C16orf96: variants seen among roughly 807,000 people sequenced by gnomAD.
C16orf96 encodes uncharacterized protein C16orf96.
In C16orf96, 108 loss-of-function variants were observed where a neutral mutation model predicts 103.6. The ratio of observed to expected loss-of-function variants is 1.04; its 90% confidence interval spans 0.89 to 1.22. The LOEUF is 1.22. Ranked by LOEUF, C16orf96 falls within the 50% of genes most tolerant of loss-of-function variation. The pLI is 0.00. For missense variants in C16orf96, 1,586 were observed against 1,464.2 expected (o/e 1.08, Z -1.36); for synonymous variants, 566 against 593.5 (o/e 0.95, Z 0.67).
At chr16:4,545,162 C>A in the C16orf96 span, among the ~76,000 whole-genome samples, 1 of 152,160 alleles carries the variant, frequency 6.6e-6, no homozygotes, top group African/African-American at 2.4e-5. Flanking sequence ...TGAATCCTCT[C>A]CCCCGCCAGA....
intron 14 of C16orf96, among the ~76,000 whole-genome samples, chr16:4,595,544 G>A (rs1049109584): frequency 6.6e-6 from 1 of 152,216 alleles, no homozygotes; most frequent in African/African-American, 2.4e-5. Context: ...AGCCTTCTCT[G>A]CACACCCCTT....
chr16:4,584,374 G>T (rs190894321), intron 7 of C16orf96, among the ~76,000 whole-genome samples: 151 of 2,764 alleles, frequency 0.055, 1 homozygote, highest in Non-Finnish European at 0.26. Flanking sequence ...TTGAGATACA[G>T]TCTCGCTCTG....
chr16:4,593,246 G>A lies in C16orf96; in HGVS notation c.2797G>A (p.Ala933Thr), dbSNP rs1470726116. The A allele has an allele frequency of 3.2e-6, 5 of 1,551,000 alleles. No individual in the cohort carries two copies. The African/African-American group carries it at 6.8e-5, about 21-fold the overall frequency. The change falls in exon 12 of 16, where the codon GCC becomes ACC. Residue 933 changes from alanine (A) to threonine (T), a missense_variant. Physicochemically the swap from Ala to Thr is moderately conservative, Grantham distance 58 (BLOSUM62 0). Coordinates refer to ENST00000444310, the MANE Select transcript of C16orf96 (RefSeq NM_001145011.2). The surrounding 1 kb of genome is among the most constrained non-coding windows in gnomAD (Gnocchi z 4.2). ...CAGACAGCTGATCACCATCCGCAAA[G>A]CCCACCTGCTGTCCCGGCTGCGGCC... Reference protein sequence around the residue: ...TGPQLITIRKAHLLSRLRPAS... With the variant: ...TGPQLITIRKTHLLSRLRPAS...
chr16:4,580,269 T>C (rs1596529213), intron 7 of C16orf96, 144 bp downstream of exon 7: 1 of 558,164 alleles, frequency 1.8e-6, no homozygotes, highest in Non-Finnish European at 3.0e-6. Context: ...CATTTTACTG[T>C]GTGTAAATTA....
At chr16:4,554,088 G>C (rs1471826234), upstream of C16orf96, among the ~76,000 whole-genome samples, 1 of 152,136 alleles carries the variant, frequency 6.6e-6, no homozygotes, top group Non-Finnish European at 1.5e-5. Context: ...AGACAAGCAG[G>C]CTGGGATTCT....
At chr16:4,568,069 T>A (rs1411743136) in intron 1 of C16orf96, among the ~76,000 whole-genome samples, 1 of 152,118 alleles carries the variant, frequency 6.6e-6, no homozygotes, top group East Asian at 1.9e-4. Flanking sequence ...AGAACTTTTT[T>A]ATTTTATTTT....
At position 4,588,162 on chromosome 16, in the gene C16orf96, C is replaced by T. The variant is rs1953114108; in HGVS notation, c.2428-5C>T. Reference sequence around the variant, plus strand: ...CATGCCTCCCTGAACTCCCTGTCTCCCTAGAAAGCTGACAGGAGTGCCCTG... The same window carrying T: ...CATGCCTCCCTGAACTCCCTGTCTCTCTAGAAAGCTGACAGGAGTGCCCTG... On this transcript the variant is annotated splice_region_variant and splice_polypyrimidine_tract_variant and intron_variant, in intron 8 of 15. Transcript: ENST00000444310. The T allele has an allele frequency of 2.6e-6, 4 of 1,550,318 alleles. No homozygotes were observed. The highest frequency in any genetic ancestry group is 3.5e-6 in the Non-Finnish European group (4 of 1,146,484).
At chr16:4,553,549 G>T (rs2059240045), upstream of C16orf96, among the ~76,000 whole-genome samples, 1 of 152,022 alleles carries the variant, frequency 6.6e-6, no homozygotes, top group Non-Finnish European at 1.5e-5. Context: ...TGTTGTGCAG[G>T]CTGGTCTCAC....
chr16:4,541,438 G>C, the C16orf96 span, among the ~76,000 whole-genome samples: 1 of 152,148 alleles, frequency 6.6e-6, no homozygotes, highest in Non-Finnish European at 1.5e-5. Flanking sequence ...GGCTGTCATG[G>C]TGGCACTCGC....
chr16:4,578,199 A>G (rs12919288), intron 5 of C16orf96, among the ~76,000 whole-genome samples: 4 of 152,086 alleles, frequency 2.6e-5, no homozygotes, highest in African/African-American at 4.8e-5. Context: ...TTGGAGTGCA[A>G]TGGCGTGATC....
chr16:4,574,442 G>A (rs1186197028), intron 2 of C16orf96, among the ~76,000 whole-genome samples: 3 of 151,788 alleles, frequency 2.0e-5, no homozygotes, highest in Non-Finnish European at 2.9e-5. Flanking sequence ...GGCTGCTGTC[G>A]AACTCCTGAC....
At position 4,576,514 on chromosome 16, in the gene C16orf96, C is replaced by G. The variant is rs2141722946; in HGVS notation, c.2034C>G (p.Asp678Glu). 2 of 1,550,962 alleles carry G rather than the reference C, an allele frequency of 1.3e-6. No homozygotes were observed. Among genetic ancestry groups the G allele is most frequent in the East Asian group, 4.9e-5 (2 of 40,890 alleles). Residue 678 changes from aspartate (D) to glutamate (E), a missense_variant, in exon 5 of 16, where the codon GAC becomes GAG. Asp to Glu is a conservative substitution (Grantham distance 45). Coordinates refer to ENST00000444310, the MANE Select transcript of C16orf96 (RefSeq NM_001145011.2). The stretch of plus-strand genomic sequence containing the variant: ...CCAAGCAGGCCATGAGCCCTGAAGA[C>G]AAGAAGAGGGCTGTCAAGTATTCCA... ...VATKQAMSPEDKKRAVKYSMS... is the reference protein window; with the variant it reads ...VATKQAMSPEEKKRAVKYSMS...
chr16:4,592,169 A>G (rs1897073843), intron 10 of C16orf96, 136 bp from the exon 11 acceptor site: 1 of 1,008,666 alleles, frequency 9.9e-7, no homozygotes, highest in Admixed American at 2.2e-5. Context: ...GTGGTTGGAG[A>G]CTGCAGGGCC....
At chr16:4,589,778 A>T (rs1375913561) in intron 9 of C16orf96, among the ~76,000 whole-genome samples, 1 of 152,158 alleles carries the variant, frequency 6.6e-6, no homozygotes, top group African/African-American at 2.4e-5. Context: ...ATAAAATGTT[A>T]TCACACTCAA....
At chr16:4,548,716 TA>T in the C16orf96 span, among the ~76,000 whole-genome samples, 1 of 151,886 alleles carries the variant, frequency 6.6e-6, no homozygotes, top group African/African-American at 2.4e-5. Flanking sequence ...CTACTAAAGA[TA>T]CAAAAATTAG....
chr16:4,545,840 T>A, the C16orf96 span, among the ~76,000 whole-genome samples: 2 of 152,168 alleles, frequency 1.3e-5, no homozygotes, highest in African/African-American at 4.8e-5. Flanking sequence ...GCTCTGGTTT[T>A]CTTTTTCTCT....
In C16orf96 at chr16:4,563,059, A is replaced by G. The variant is rs891340401; in HGVS notation, c.420+6150A>G. 7.0e-6 allele frequency: 6 copies of G among 858,034 alleles called. No homozygotes were observed. In the South Asian group the frequency reaches 8.2e-5, roughly 12 times the overall value. 53.2% of individuals were successfully genotyped at this position (858,034 alleles called of 1,614,324 possible). A position where few individuals can be genotyped will look rare whatever the true frequency, so the allele number is the denominator to read the frequency against. The stretch of plus-strand genomic sequence containing the variant: ...TGTCAGAAGATGACAGAGCTCTCCA[A>G]GTTTCGCCTGTCTTTTGCTTCTTTA... On this transcript the variant is annotated intron_variant, in intron 1 of 15. Coordinates refer to ENST00000444310, the MANE Select transcript of C16orf96 (RefSeq NM_001145011.2).
At chr16:4,552,444 T>C (rs1037489220), upstream of C16orf96, among the ~76,000 whole-genome samples, 1 of 144,182 alleles carries the variant, frequency 6.9e-6, no homozygotes, top group African/African-American at 2.6e-5. Context: ...ATCGCGCCAT[T>C]GCACTCCAGC....
chr16:4,553,062 GC>G (rs1427154725), upstream of C16orf96, among the ~76,000 whole-genome samples: 4 of 152,254 alleles, frequency 2.6e-5, no homozygotes, highest in African/African-American at 9.6e-5. Flanking sequence ...TTCTGAAAGA[GC>G]TTCAGGAATG....
Sources: allele counts gnomAD v4.1 joint callset (sites outside exome capture counted in the v4.1 genomes callset), GRCh38; gene constraint gnomAD v4.1.1; non-coding constraint Gnocchi (gnomAD v3.1); transcripts MANE v1.5; gene names NCBI Gene and HGNC (gene_info 2026-07-23, HGNC 2026-07-21).